The following THEMIS variants were observed in gnomAD, a reference collection of about 807,000 sequenced individuals.
THEMIS encodes protein THEMIS.
THEMIS carries 37 observed loss-of-function variants against 52.6 expected under a neutral mutation model. That is an observed-to-expected ratio of 0.70 (90% CI 0.54 to 0.93). The LOEUF is 0.93. THEMIS is among the 40% of genes least tolerant of loss of function. The pLI is 0.00. For synonymous variants in THEMIS, 292 were observed against 272.7 expected (o/e 1.07, Z -0.70); for missense variants, 808 against 763.1 (o/e 1.06, Z -0.69).
the THEMIS span, among the ~76,000 whole-genome samples, chr6:127,698,675 T>G: frequency 1.3e-5 from 2 of 152,022 alleles, no homozygotes; most frequent in African/African-American, 2.4e-5. Context: ...TGGTTTGACA[T>G]ATTTCCTAGA....
intron 3 of THEMIS, among the ~76,000 whole-genome samples, chr6:127,827,413 T>C (rs991696073): frequency 6.6e-6 from 1 of 152,184 alleles, no homozygotes; most frequent in Non-Finnish European, 1.5e-5. Flanking sequence ...ATAATCCCTA[T>C]GAAATTAACG....
downstream of THEMIS, among the ~76,000 whole-genome samples, chr6:127,703,866 G>T (rs1006034133): frequency 6.6e-6 from 1 of 152,146 alleles, no homozygotes. Flanking sequence ...ATAAAGAACA[G>T]AAATTTATTG....
chr6:127,880,570 T>TC (rs1491168510), intron 1 of THEMIS, among the ~76,000 whole-genome samples: 2 of 84,658 alleles, frequency 2.4e-5, no homozygotes, highest in African/African-American at 1.1e-4. Flanking sequence ...AAAAGACAAA[T>TC]TAAAAAAAAA....
At chr6:127,880,376 A>G (rs1780444163) in intron 1 of THEMIS, among the ~76,000 whole-genome samples, 1 of 145,534 alleles carries the variant, frequency 6.9e-6, no homozygotes, top group South Asian at 2.2e-4. Context: ...TCTTTATTTA[A>G]TTACTGGAAT....
chr6:127,824,542 A>C (rs1435583500), intron 3 of THEMIS, among the ~76,000 whole-genome samples: 1 of 152,180 alleles, frequency 6.6e-6, no homozygotes, highest in Non-Finnish European at 1.5e-5. Context: ...AACATATTAC[A>C]AGTAATCACA....
chr6:127,910,283 C>A (rs1781379084), intron 1 of THEMIS, among the ~76,000 whole-genome samples: 1 of 152,024 alleles, frequency 6.6e-6, no homozygotes, highest in African/African-American at 2.4e-5. Flanking sequence ...ACTCTGAGAG[C>A]ATTGCAACAA....
intron 1 of THEMIS, among the ~76,000 whole-genome samples, chr6:127,890,779 T>C (rs1780780434): frequency 6.6e-6 from 1 of 152,110 alleles, no homozygotes; most frequent in Non-Finnish European, 1.5e-5. Context: ...AGAAAAATAG[T>C]GTATATTATT....
intron 3 of THEMIS, among the ~76,000 whole-genome samples, chr6:127,821,881 A>C (rs1562280583): frequency 6.6e-6 from 1 of 152,040 alleles, no homozygotes; most frequent in Non-Finnish European, 1.5e-5. Flanking sequence ...CTAAATTAGT[A>C]CAGGGATGGA....
intron 1 of THEMIS, among the ~76,000 whole-genome samples, chr6:127,891,873 A>G (rs1780822899): frequency 6.6e-6 from 1 of 152,100 alleles, no homozygotes; most frequent in Non-Finnish European, 1.5e-5. Flanking sequence ...CCTGCTTTAT[A>G]TGTGCTCAAG....
At chr6:127,859,560 ATTG>A (rs1029837957) in intron 1 of THEMIS, among the ~76,000 whole-genome samples, 1 of 152,120 alleles carries the variant, frequency 6.6e-6, no homozygotes, top group African/African-American at 2.4e-5. Flanking sequence ...ATGACAATTA[ATTG>A]TTGTGAACAT....
intron 3 of THEMIS, among the ~76,000 whole-genome samples, chr6:127,817,688 A>C (rs1214093638): frequency 6.6e-6 from 1 of 152,170 alleles, no homozygotes; most frequent in East Asian, 1.9e-4. Flanking sequence ...CCACCCCAAA[A>C]ACTAGACAGG....
At chr6:127,700,113 T>C in the THEMIS span, among the ~76,000 whole-genome samples, 1 of 151,830 alleles carries the variant, frequency 6.6e-6, no homozygotes, top group South Asian at 2.1e-4. Flanking sequence ...GTTTCAATCA[T>C]AATAAAAATG....
chr6:127,731,864 A>ACTTTTTTTTTTTTTTTTTTTTTTTTTTTT (rs1190146630), intron 4 of THEMIS, among the ~76,000 whole-genome samples: 1 of 41,704 alleles, frequency 2.4e-5, no homozygotes, highest in African/African-American at 1.1e-4. Context: ...TGCCCGGCTA[A>ACTTTTTTTTTTTTTTTTTTTTTTTTTTTT]TTTTTTTTTT....
intron 1 of THEMIS, among the ~76,000 whole-genome samples, chr6:127,898,306 C>CGT (rs72554120): frequency 6.6e-6 from 1 of 151,266 alleles, no homozygotes. Context: ...CATAGAGGGA[C>CGT]ACTACATTCT....
chr6:127,766,011 T>G (rs556846830), intron 4 of THEMIS, among the ~76,000 whole-genome samples: 81 of 152,310 alleles, frequency 5.3e-4, no homozygotes, highest in Non-Finnish European at 1.1e-3. Context: ...AATACTTTAT[T>G]GAGTGGCTAG....
chr6:127,817,860 T>C (rs1353534730), intron 3 of THEMIS, among the ~76,000 whole-genome samples: 1 of 152,208 alleles, frequency 6.6e-6, no homozygotes, highest in African/African-American at 2.4e-5. Flanking sequence ...CACACTTTTC[T>C]GAGTCTTACT....
intron 4 of THEMIS, among the ~76,000 whole-genome samples, chr6:127,771,979 G>A (rs1776402109): frequency 6.6e-6 from 1 of 152,112 alleles, no homozygotes; most frequent in Admixed American, 6.6e-5. Flanking sequence ...GAAGACTGTA[G>A]TTTGTTTTGT....
chr6:127,704,476 T>C (rs1446942826), downstream of THEMIS, among the ~76,000 whole-genome samples: 1 of 152,158 alleles, frequency 6.6e-6, no homozygotes, highest in Non-Finnish European at 1.5e-5. Flanking sequence ...AATAGGAGAA[T>C]TACTGTGCAA....
chr6:127,841,065 C>T (rs1416960141), intron 2 of THEMIS, among the ~76,000 whole-genome samples: 3 of 151,960 alleles, frequency 2.0e-5, no homozygotes, highest in Non-Finnish European at 1.5e-5. Context: ...GAATGTACAA[C>T]ACCAAAAATG....
Sources: gnomAD v4.1 joint callset for allele counts (sites outside exome capture counted in the v4.1 genomes callset) on GRCh38, gnomAD v4.1.1 for gene constraint, MANE v1.5 for transcripts, NCBI Gene and HGNC (gene_info 2026-07-23, HGNC 2026-07-21) for gene names.